Variants in RFC1 observed in about 807,000 individuals in gnomAD.
The protein encoded by RFC1 is A1 140 kDa subunit.
Under a neutral mutation model 137.4 loss-of-function variants are expected in RFC1, and 37 were observed. The ratio of observed to expected loss-of-function variants is 0.27; its 90% CI spans 0.21 to 0.35. The LOEUF is 0.35. Among genes scored for constraint, RFC1 ranks in the 10% least tolerant of loss-of-function variants. RFC1 has a pLI of 1.00. For missense variants in RFC1, 1,205 were observed against 1,358.5 expected (o/e 0.89, Z 1.78); for synonymous variants, 429 against 455.7 (o/e 0.94, Z 0.75).
chr4:39,337,248 C>T (rs1168060517), intron 4 of RFC1, among the ~76,000 whole-genome samples: 1 of 152,106 alleles, frequency 6.6e-6, no homozygotes, highest in African/African-American at 2.4e-5. Context: ...GCGGTGCACG[C>T]CTGTAATCTC....
Position 39,289,923 on chromosome 4 carries a change from A to G in RFC1, c.3285T>C (p.Asn1095=), listed in dbSNP as rs779452259. The change falls in exon 24 of 25, where the codon AAT becomes AAC. Residue 1095 remains asparagine, a synonymous_variant. Coordinates refer to ENST00000349703, the MANE Select transcript of RFC1 (RefSeq NM_002913.5). The part of the protein sequence containing the change: ...STSPSLDSEY[N]EELNEDDSQS... Reference sequence around the variant, plus strand: ...GAGAGTCATCTTCATTTAATTCTTCATTGTATTCCGAATCCAGGGATGGGC... The same window carrying G: ...GAGAGTCATCTTCATTTAATTCTTCGTTGTATTCCGAATCCAGGGATGGGC... The G allele has an allele frequency of 6.2e-7, 1 of 1,613,016 alleles. No homozygotes were observed. Among genetic ancestry groups the G allele is most frequent in the Non-Finnish European group, 8.5e-7 (1 of 1,179,044 alleles).
chr4:39,318,594 C>T (rs1739365781), intron 9 of RFC1, among the ~76,000 whole-genome samples: 1 of 152,178 alleles, frequency 6.6e-6, no homozygotes, highest in South Asian at 2.1e-4. Context: ...TATTTCTATT[C>T]TAACTTTAAA....
chr4:39,358,189 C>T (rs1449140748), intron 1 of RFC1, among the ~76,000 whole-genome samples: 2 of 151,954 alleles, frequency 1.3e-5, no homozygotes, highest in Admixed American at 6.6e-5. Flanking sequence ...ACAGGAGAAT[C>T]ACTTCAACCT....
In RFC1 at chr4:39,327,543, A is replaced by T; in HGVS notation, c.545T>A (p.Val182Glu). The change falls in exon 5 of 25, where the codon GTG becomes GAG. Residue 182 changes from valine (V) to glutamate (E), a missense_variant. Val to Glu is a moderately radical substitution (Grantham distance 121). This residue lies in a region of RFC1 where 962 missense variants were observed against 1,035.3 expected (regional missense o/e 0.93). Transcript: ENST00000349703. ...ACTTACCTCTTTTCTTTTGCTTGCC[A>T]CCATCTTCTTATTAGATCTTTGGAC... ...GSVQRSNKKM[V>E]ASKRKELSQN... 6.2e-7 allele frequency: 1 copy of T among 1,610,486 alleles called. No homozygotes were observed. Among genetic ancestry groups the T allele is most frequent in the Non-Finnish European group, 8.5e-7 (1 of 1,178,968 alleles).
intron 1 of RFC1, among the ~76,000 whole-genome samples, chr4:39,361,215 C>G (rs1378923633): frequency 1.3e-5 from 2 of 152,068 alleles, no homozygotes; most frequent in Non-Finnish European, 2.9e-5. Flanking sequence ...AGGACAAAAC[C>G]CCGTCTCTGC....
intron 4 of RFC1, among the ~76,000 whole-genome samples, chr4:39,328,187 C>T (rs1739881821): frequency 6.6e-6 from 1 of 152,046 alleles, no homozygotes; most frequent in Non-Finnish European, 1.5e-5. Flanking sequence ...CCCCTATCTC[C>T]AAAATTCAAC....
At chr4:39,350,847 T>G (rs1741146880) in intron 2 of RFC1, among the ~76,000 whole-genome samples, 1 of 152,198 alleles carries the variant, frequency 6.6e-6, no homozygotes, top group African/African-American at 2.4e-5. Context: ...AAAACAGCAA[T>G]TTTTGCCTTA....
At position 39,326,575 on chromosome 4, in the gene RFC1, A is replaced by T. The variant is rs1739778963; in HGVS notation, c.630T>A (p.Asp210Glu). 1 of 1,612,708 alleles carries T rather than the reference A, an allele frequency of 6.2e-7. No individual in the cohort carries two copies. The highest frequency in any genetic ancestry group is 2.2e-5 in the East Asian group (1 of 44,836). Residue 210 changes from aspartate (D) to glutamate (E), a missense_variant, in exon 6 of 25, where the codon GAT (aspartate) becomes GAA (glutamate). Asp to Glu is a conservative substitution (Grantham distance 45). Transcript: ENST00000349703. Reference sequence around the variant, plus strand: ...AAAATGCCAATACCTCCGCATCTTCATCAAGCTGTAATTGCTTGGCGATGG... The same window carrying T: ...AAAATGCCAATACCTCCGCATCTTCTTCAAGCTGTAATTGCTTGGCGATGG... ...DEAIAKQLQL[D>E]EDAELERQLH...
intron 4 of RFC1, among the ~76,000 whole-genome samples, chr4:39,330,634 G>A (rs769989288): frequency 8.5e-5 from 13 of 152,094 alleles, no homozygotes; most frequent in Non-Finnish European, 1.9e-4. Flanking sequence ...GGTGCAAAAG[G>A]TTTATTTCTA....
chr4:39,291,902 G>T, intron 22 of RFC1, 50 bp from the exon 23 acceptor site: 1 of 1,316,564 alleles, frequency 7.6e-7, no homozygotes, highest in Non-Finnish European at 1.1e-6. Flanking sequence ...ATCAACTCAA[G>T]TCATACTGTG....
At chr4:39,360,336 A>C (rs1741690965) in intron 1 of RFC1, among the ~76,000 whole-genome samples, 1 of 151,942 alleles carries the variant, frequency 6.6e-6, no homozygotes, top group East Asian at 1.9e-4. Flanking sequence ...CCCCATCTCT[A>C]CTAAAAATAC....
intron 12 of RFC1, among the ~76,000 whole-genome samples, chr4:39,310,407 T>TA (rs1738910110): frequency 6.6e-6 from 1 of 152,242 alleles, no homozygotes. Context: ...TTTTTATAAC[T>TA]ATGCTATGGT....
intron 12 of RFC1, 108 bp from the exon 13 acceptor site, chr4:39,309,140 T>C: frequency 8.4e-7 from 1 of 1,190,070 alleles, no homozygotes; most frequent in Middle Eastern, 2.5e-4. Context: ...AGTGGGCTAC[T>C]CAACCTGGGC....
chr4:39,326,467 A>C lies in RFC1; in HGVS notation c.642+96T>G, dbSNP rs376971324. On this transcript the variant is annotated intron_variant, in intron 6 of 24. Coordinates refer to ENST00000349703, the MANE Select transcript of RFC1 (RefSeq NM_002913.5). Reference sequence around the variant, plus strand: ...TTTATTAGATTTTAACTTATTTTACATGTAACTTCCAATGAGGTTCAATTC... The same window carrying C: ...TTTATTAGATTTTAACTTATTTTACCTGTAACTTCCAATGAGGTTCAATTC... 25 of 824,760 alleles carry C rather than the reference A, an allele frequency of 3.0e-5. No individual in the cohort carries two copies. The African/African-American group carries it at 3.4e-4, about 11-fold the overall frequency. The allele number at this position is 824,760 out of a possible 1,614,324, so 51.1% of individuals were successfully genotyped here.
chr4:39,301,600 C>T (rs559207897), intron 19 of RFC1, among the ~76,000 whole-genome samples: 1 of 152,262 alleles, frequency 6.6e-6, no homozygotes, highest in East Asian at 1.9e-4. Context: ...AGGCATGGAT[C>T]ACCATGTTGG....
At chr4:39,346,677 C>T (rs1243136204) in intron 2 of RFC1, among the ~76,000 whole-genome samples, 1 of 151,946 alleles carries the variant, frequency 6.6e-6, no homozygotes. Flanking sequence ...AACATAAGAA[C>T]AATCAACTAG....
intron 4 of RFC1, among the ~76,000 whole-genome samples, chr4:39,340,329 C>T (rs1740553173): frequency 6.6e-6 from 1 of 152,116 alleles, no homozygotes; most frequent in African/African-American, 2.4e-5. Context: ...TCATATGACA[C>T]TTTTTCACAA....
Position 39,289,464 on chromosome 4 carries a change from C to A in RFC1, c.3360+384G>T, listed in dbSNP as rs201661486. 8 of 178,266 alleles carry A rather than the reference C, an allele frequency of 4.5e-5. No homozygotes were observed. The East Asian group carries it at 1.3e-3, about 29-fold the overall frequency. 11.0% of individuals were successfully genotyped at this position (178,266 alleles called of 1,614,324 possible). ...GGTTTTCATATTTCCCATCAAAAGA[C>A]AAGAATGTTTTGCTCTAAGAAACTT... On this transcript the variant is annotated intron_variant, in intron 24 of 24. Coordinates refer to ENST00000349703, the MANE Select transcript of RFC1 (RefSeq NM_002913.5).
chr4:39,289,649 G>C, intron 24 of RFC1, 199 bp downstream of exon 24: 1 of 521,524 alleles, frequency 1.9e-6, no homozygotes, highest in East Asian at 3.1e-5. Flanking sequence ...CTGTTTTCTT[G>C]CTGTTTGGCT....
Sources: allele counts gnomAD v4.1 joint callset (sites outside exome capture counted in the v4.1 genomes callset), GRCh38; gene constraint gnomAD v4.1.1; regional missense constraint gnomAD v4.1.1; transcripts MANE v1.5; gene names NCBI Gene and HGNC (gene_info 2026-07-23, HGNC 2026-07-21).